BIRC6: variants seen among roughly 807,000 people sequenced by gnomAD.
BIRC6 encodes baculoviral IAP repeat containing 6.
In BIRC6, 98 loss-of-function variants were observed where a neutral mutation model predicts 503.3. The ratio of observed to expected loss-of-function variants is 0.19; its 90% CI spans 0.17 to 0.23. The LOEUF (loss-of-function observed/expected upper bound fraction) is 0.23, where lower values mean the gene tolerates loss of function less well. Ranked by LOEUF, BIRC6 falls within the 10% of genes least tolerant of loss-of-function variation. The probability of loss-of-function intolerance (pLI) is 1.00; values close to 1 mark genes in which losing one functional copy is unlikely to be tolerated. For missense variants in BIRC6, 5,360 were observed against 5,806.0 expected (o/e 0.92, Z 2.50); for synonymous variants, 2,240 against 2,078.7 (o/e 1.08, Z -2.11).
chr2:32,489,857 T>C (rs1234173683), intron 42 of BIRC6, among the ~76,000 whole-genome samples, 184 bp from the exon 43 acceptor site: 2 of 152,240 alleles, frequency 1.3e-5, no homozygotes, highest in Non-Finnish European at 2.9e-5. Context: ...CCTAAAATGT[T>C]ACTGATTCTT....
chr2:32,418,318 C>T (rs192041429), intron 10 of BIRC6, among the ~76,000 whole-genome samples: 75 of 152,182 alleles, frequency 4.9e-4, no homozygotes, highest in Admixed American at 1.9e-3. Flanking sequence ...TACCTGTGTT[C>T]GTTTAGTCAT....
chr2:32,477,849 A>G (rs2049940932), intron 35 of BIRC6, among the ~76,000 whole-genome samples: 1 of 151,772 alleles, frequency 6.6e-6, no homozygotes, highest in Non-Finnish European at 1.5e-5. Flanking sequence ...GCTTTTTTGC[A>G]GTTAGTTTTT....
Position 32,617,769 on chromosome 2 carries a change from C to T in BIRC6, c.14439C>T (p.Cys4813=), listed in dbSNP as rs753393918. ...GCGAAGAGTTGCTGAAACTTCCCTG[C>T]CCTGAAGGCTTGGATCCTGACACTG... ...QLREELLKLP[C]PEGLDPDTDD... The change falls in exon 74 of 74, where the codon TGC becomes TGT. Residue 4813 remains cysteine, a synonymous_variant. Transcript: ENST00000421745. The T allele has an allele frequency of 1.9e-6, 3 of 1,613,890 alleles. No homozygotes were observed. The highest frequency in any genetic ancestry group is 2.5e-6 in the Non-Finnish European group (3 of 1,179,886).
rs1558809670 is a variant in BIRC6, at chr2:32,467,567, T to C, written c.5399T>C (p.Leu1800Ser). 1 of 1,613,964 alleles carries C rather than the reference T, an allele frequency of 6.2e-7. No individual in the cohort carries two copies. Among genetic ancestry groups the C allele is most frequent in the Non-Finnish European group, 8.5e-7 (1 of 1,179,880 alleles). The change falls in exon 27 of 74, where the codon TTG becomes TCG. Residue 1800 changes from leucine to serine, a missense_variant. Coordinates refer to ENST00000421745, the MANE Select transcript of BIRC6 (RefSeq NM_016252.4). Reference protein sequence around the residue: ...FVTLDFGRPILLTDVLIPTCG... With the variant: ...FVTLDFGRPISLTDVLIPTCG... The stretch of plus-strand genomic sequence containing the variant: ...ACCTTGGATTTTGGGAGGCCTATAT[T>C]GTTGACTGATGTATTGATTCCCACT...
At chr2:32,453,401 T>C (rs1422253488) in intron 22 of BIRC6, among the ~76,000 whole-genome samples, 1 of 152,214 alleles carries the variant, frequency 6.6e-6, no homozygotes, top group Non-Finnish European at 1.5e-5. Flanking sequence ...CATCTTAGAA[T>C]GTATTCTGAT....
intron 65 of BIRC6, chr2:32,557,989 AAAG>A (rs1340197821): frequency 6.6e-6 from 1 of 152,200 alleles, no homozygotes; most frequent in Non-Finnish European, 1.5e-5. Context: ...AATTGCTAGA[AAAG>A]AAATACTAGC....
intron 3 of BIRC6, among the ~76,000 whole-genome samples, chr2:32,386,277 T>C (rs1477355634): frequency 1.5e-4 from 23 of 152,048 alleles, no homozygotes; most frequent in Admixed American, 1.5e-3. Context: ...TATCAGGGGA[T>C]TTGTTGATTT....
At chr2:32,494,517 T>C (rs575849305) in intron 45 of BIRC6, among the ~76,000 whole-genome samples, 2 of 151,944 alleles carry the variant, frequency 1.3e-5, no homozygotes, top group Non-Finnish European at 2.9e-5. Flanking sequence ...TGAGCCACTG[T>C]GCCTGGCCGA....
chr2:32,387,706 C>G (rs1329689991), intron 3 of BIRC6, among the ~76,000 whole-genome samples: 1 of 152,100 alleles, frequency 6.6e-6, no homozygotes, highest in African/African-American at 2.4e-5. Context: ...CTCATATACC[C>G]CAGTAATGGT....
chr2:32,497,035 G>A (rs2052563935), intron 45 of BIRC6, among the ~76,000 whole-genome samples: 1 of 152,182 alleles, frequency 6.6e-6, no homozygotes, highest in Admixed American at 6.5e-5. Flanking sequence ...GTGATAGTAA[G>A]TTGAGGAAGT....
At chr2:32,430,778 T>C in intron 11 of BIRC6, 87 bp from the exon 12 acceptor site, 1 of 1,026,084 alleles carries the variant, frequency 9.7e-7, no homozygotes, top group Non-Finnish European at 1.4e-6. Context: ...AACCTACCCA[T>C]GAATTAAAAC....
intron 10 of BIRC6, among the ~76,000 whole-genome samples, chr2:32,418,590 C>A (rs1219551964): frequency 6.6e-6 from 1 of 152,172 alleles, no homozygotes; most frequent in Non-Finnish European, 1.5e-5. Context: ...TGCTGTAGGT[C>A]ATCTAAAATG....
At chr2:32,522,886 A>G (rs558686359) in intron 57 of BIRC6, 9 of 152,352 alleles carry the variant, frequency 5.9e-5, no homozygotes, top group South Asian at 4.1e-4. Context: ...GCAAATCTGC[A>G]TAGATGCAAA....
In BIRC6 at chr2:32,587,111, G is replaced by A. The variant is rs757004646; in HGVS notation, c.13356-6804G>A. On this transcript the variant is annotated intron_variant, in intron 66 of 73. Coordinates refer to ENST00000421745, the MANE Select transcript of BIRC6 (RefSeq NM_016252.4). ...ATTTAAGAATTATTTTTAAGGGGCCGGACATTGTGGCTTACGCCTGTAATC... is the reference window on the plus strand; with the variant it reads ...ATTTAAGAATTATTTTTAAGGGGCCAGACATTGTGGCTTACGCCTGTAATC... Among the ~76,000 whole-genome samples, 119 of 152,186 alleles carry A rather than the reference G, an allele frequency of 7.8e-4. 1 individual carries two copies. The highest frequency in any genetic ancestry group is 7.6e-4 in the Non-Finnish European group (52 of 68,034).
intron 57 of BIRC6, among the ~76,000 whole-genome samples, chr2:32,523,993 G>A (rs1135484): frequency 0.38 from 57,402 of 150,784 alleles, 11,064 homozygotes; most frequent in Non-Finnish European, 0.42. Flanking sequence ...GCAGTGAACC[G>A]CGATTACACC....
intron 22 of BIRC6, 83 bp from the exon 23 acceptor site, chr2:32,453,725 A>T: frequency 7.8e-7 from 1 of 1,275,812 alleles, no homozygotes; most frequent in Non-Finnish European, 1.1e-6. Flanking sequence ...ATTAAAATTG[A>T]AGTTGCAGCT....
In BIRC6 at chr2:32,553,928, C is replaced by G. The variant is rs180818150; in HGVS notation, c.13144+4447C>G. Reference sequence around the variant, plus strand: ...TATTTGTTCATTTTAATTTCTTTCTCAACATTTTCACTTCCACTTTTCATA... The same window carrying G: ...TATTTGTTCATTTTAATTTCTTTCTGAACATTTTCACTTCCACTTTTCATA... On this transcript the variant is annotated intron_variant, in intron 65 of 73. Coordinates refer to ENST00000421745, the MANE Select transcript of BIRC6 (RefSeq NM_016252.4). Among the ~76,000 whole-genome samples, 531 of 152,152 alleles carry G rather than the reference C, an allele frequency of 3.5e-3. 2 individuals are homozygous for G. The highest frequency in any genetic ancestry group is 6.1e-3 in the Non-Finnish European group (415 of 68,002).
intron 45 of BIRC6, 99 bp from the exon 46 acceptor site, chr2:32,499,448 A>G: frequency 2.9e-6 from 3 of 1,052,434 alleles, no homozygotes; most frequent in Admixed American, 6.2e-5. Flanking sequence ...ATAAGTTACT[A>G]CTTTCAGAAC....
At chr2:32,575,747 A>G (rs533509277) in intron 66 of BIRC6, among the ~76,000 whole-genome samples, 163 of 152,124 alleles carry the variant, frequency 1.1e-3, no homozygotes, top group African/African-American at 3.9e-3. Flanking sequence ...CCTGGGTGAC[A>G]GAGCGAGACT....
Sources: allele counts gnomAD v4.1 joint callset (sites outside exome capture counted in the v4.1 genomes callset), GRCh38; gene constraint gnomAD v4.1.1; transcripts MANE v1.5; gene names NCBI Gene and HGNC (gene_info 2026-07-23, HGNC 2026-07-21).